FAM13B: variants seen among roughly 807,000 people sequenced by gnomAD.
The protein encoded by FAM13B is family with sequence similarity 13 member B, also known as protein FAM13B.
FAM13B carries 60 observed loss-of-function variants against 117.3 expected under a neutral mutation model. The observed-to-expected ratio is 0.51, with a 90% CI of 0.42 to 0.63. FAM13B has a LOEUF of 0.63. Ranked by LOEUF, FAM13B falls within the 30% of genes least tolerant of loss-of-function variation. FAM13B has a pLI of 0.00. For missense variants in FAM13B, 972 were observed against 1,091.9 expected (o/e 0.89, Z 1.55); for synonymous variants, 332 against 356.1 (o/e 0.93, Z 0.76).
At chr5:138,009,408 T>C (rs1016014598) in intron 6 of FAM13B, among the ~76,000 whole-genome samples, 5 of 152,150 alleles carry the variant, frequency 3.3e-5, no homozygotes, top group Admixed American at 1.3e-4. Context: ...TCTTTCCCCA[T>C]CTACGTATTT....
intron 7 of FAM13B, among the ~76,000 whole-genome samples, chr5:137,991,221 G>A (rs1380360438): frequency 6.6e-6 from 1 of 152,148 alleles, no homozygotes; most frequent in African/African-American, 2.4e-5. Context: ...TTTTAAGAAA[G>A]AAATATCAGC....
intron 7 of FAM13B, 151 bp from the exon 8 acceptor site, chr5:137,988,466 A>G: frequency 1.7e-6 from 1 of 599,348 alleles, no homozygotes; most frequent in East Asian, 3.3e-5. Flanking sequence ...AGTTGGAAAT[A>G]TTTTCTGAAT....
At chr5:137,944,623 G>A (rs772331849) in intron 20 of FAM13B, among the ~76,000 whole-genome samples, 30 of 152,046 alleles carry the variant, frequency 2.0e-4, no homozygotes, top group Non-Finnish European at 4.1e-4. Context: ...GCTGGGTGTG[G>A]TGGTGGGTGC....
chr5:137,966,488 T>TATATATATAGAGAGAGAGAG (rs1461425784), intron 10 of FAM13B, among the ~76,000 whole-genome samples: 8 of 29,484 alleles, frequency 2.7e-4, no homozygotes, highest in African/African-American at 2.5e-4. Flanking sequence ...TATATATATA[T>TATATATATAGAGAGAGAGAG]AGAGAGAGAG....
At chr5:137,974,522 G>T (rs1377317570) in intron 10 of FAM13B, among the ~76,000 whole-genome samples, 1 of 148,432 alleles carries the variant, frequency 6.7e-6, no homozygotes, top group Admixed American at 6.7e-5. Context: ...TGACGAGTTA[G>T]TGGGTGCAGC....
At chr5:138,025,231 A>G (rs968611184) in intron 1 of FAM13B, among the ~76,000 whole-genome samples, 4 of 150,548 alleles carry the variant, frequency 2.7e-5, no homozygotes, top group African/African-American at 9.8e-5. Context: ...ATAGGAAATT[A>G]CATTGAATTT....
chr5:138,027,038 G>A (rs1788615024), intron 1 of FAM13B, among the ~76,000 whole-genome samples: 2 of 152,124 alleles, frequency 1.3e-5, no homozygotes, highest in South Asian at 4.1e-4. Flanking sequence ...AGGAGGCTGA[G>A]ATGGAAGAAT....
At chr5:138,010,464 A>G (rs1783697891) in intron 6 of FAM13B, among the ~76,000 whole-genome samples, 2 of 152,232 alleles carry the variant, frequency 1.3e-5, no homozygotes, top group East Asian at 1.9e-4. Flanking sequence ...CAATTTTTTA[A>G]AAGATTATAA....
At position 137,951,658 on chromosome 5, in the gene FAM13B, C is replaced by CA. The variant is rs1396420974; in HGVS notation, c.1930+969dup. 2.6e-5 allele frequency among the ~76,000 whole-genome samples: 4 copies of CA among 151,564 alleles called. No individual in the cohort carries two copies. The East Asian group carries it at 7.7e-4, about 29-fold the overall frequency. ...TCGATGACAGAGCAAGATTCTGTCT[C>CA]AAAAAAATAAAAAATATATATTTTT... On this transcript the variant is annotated intron_variant, in intron 17 of 23. Coordinates refer to ENST00000689681, the MANE Select transcript of FAM13B (RefSeq NM_001385994.1).
At position 137,952,704 on chromosome 5, in the gene FAM13B, G is replaced by A. The variant is rs776901610; in HGVS notation, c.1854C>T (p.Ser618=). ...TTGGATTGGCAGCAATATCACTGTA[G>A]GAGGGCTGAAAAATTATGGAGCAGA... ...QFERERNSKP[S]YSDIAANPKV... The change falls in exon 17 of 24, where the codon TCC becomes TCT. Residue 618 remains serine, a synonymous_variant. Transcript: ENST00000689681. 2.5e-6 allele frequency: 4 copies of A among 1,597,172 alleles called. No individual in the cohort carries two copies. The highest frequency in any genetic ancestry group is 2.7e-5 in the African/African-American group (2 of 74,424).
At chr5:137,948,903 G>A (rs370811304) in intron 18 of FAM13B, 52 bp downstream of exon 18, 1,008 of 1,401,722 alleles carry the variant, frequency 7.2e-4, no homozygotes, top group Non-Finnish European at 9.7e-4. Context: ...TAATTATTTT[G>A]TTTCAGGAAT....
chr5:138,007,237 A>C, intron 6 of FAM13B, 90 bp from the exon 7 acceptor site: 3 of 1,001,560 alleles, frequency 3.0e-6, no homozygotes, highest in Non-Finnish European at 2.8e-6. Context: ...TTTAAACACA[A>C]ACAACTCATT....
intron 17 of FAM13B, 114 bp from the exon 18 acceptor site, chr5:137,949,298 A>G (rs995261240): frequency 1.4e-5 from 11 of 777,216 alleles, no homozygotes; most frequent in Non-Finnish European, 2.3e-5. Context: ...ACAGACTTAG[A>G]TATTTCAAAG....
intron 13 of FAM13B, among the ~76,000 whole-genome samples, chr5:137,956,924 C>T (rs1766736551): frequency 6.6e-6 from 1 of 152,128 alleles, no homozygotes; most frequent in South Asian, 2.1e-4. Context: ...GCATTTCATT[C>T]CAGAGTTAGC....
At chr5:138,045,123 A>G (rs989189484) in intron 1 of FAM13B, among the ~76,000 whole-genome samples, 3 of 152,226 alleles carry the variant, frequency 2.0e-5, no homozygotes, top group Non-Finnish European at 4.4e-5. Context: ...GCACAAAGGT[A>G]GCAGAATATA....
In FAM13B at chr5:138,019,015, G is replaced by A. The variant is rs1561536719; in HGVS notation, c.97C>T (p.His33Tyr). 6 of 1,614,058 alleles carry A rather than the reference G, an allele frequency of 3.7e-6. No individual in the cohort carries two copies. The highest frequency in any genetic ancestry group is 5.1e-6 in the Non-Finnish European group (6 of 1,179,992). Residue 33 changes from histidine (H) to tyrosine (Y), a missense_variant, in exon 3 of 24, where the codon CAT (histidine) becomes TAT (tyrosine). By Grantham distance (83) the His-to-Tyr change is moderately conservative. Coordinates refer to ENST00000689681, the MANE Select transcript of FAM13B (RefSeq NM_001385994.1). ...IPLDELQQGG[H>Y]PDNEVPFIVR... Reference sequence around the variant, plus strand: ...ATGAATGGAACCTCATTGTCTGGATGTCCTCCCTGCTGCAGCTCATCAAGT... The same window carrying A: ...ATGAATGGAACCTCATTGTCTGGATATCCTCCCTGCTGCAGCTCATCAAGT...
chr5:137,985,356 A>G lies in FAM13B; in HGVS notation c.1080T>C (p.Ser360=). The part of the protein sequence containing the change: ...IDIADDIINA[S]ESNRDCSKPV... ...GTTTTGAACAGTCTCTGTTACTTTC[A>G]CTGGCATTAATAATATCATCAGCAA... Residue 360 remains serine (S), a synonymous_variant, in exon 10 of 24, where the codon AGT becomes AGC. Transcript: ENST00000689681. The G allele has an allele frequency of 6.2e-7, 1 of 1,613,882 alleles. No individual in the cohort carries two copies. Among genetic ancestry groups the G allele is most frequent in the Middle Eastern group, 1.7e-4 (1 of 6,060 alleles).
chr5:137,966,492 G>GAA (rs1769951995), intron 10 of FAM13B, among the ~76,000 whole-genome samples: 14 of 89,870 alleles, frequency 1.6e-4, no homozygotes, highest in African/African-American at 2.3e-4. Flanking sequence ...TATATATAGA[G>GAA]AGAGAGAGAG....
intron 10 of FAM13B, among the ~76,000 whole-genome samples, chr5:137,966,787 G>A (rs1053775867): frequency 1.3e-5 from 2 of 152,074 alleles, no homozygotes; most frequent in African/African-American, 4.8e-5. Context: ...GAATGAATGA[G>A]AAACACACTC....
Sources: gnomAD v4.1 joint callset for allele counts (sites outside exome capture counted in the v4.1 genomes callset) on GRCh38, gnomAD v4.1.1 for gene constraint, MANE v1.5 for transcripts, NCBI Gene and HGNC (gene_info 2026-07-23, HGNC 2026-07-21) for gene names.